The following B3GALT1 variants were observed in gnomAD, a reference collection of about 807,000 sequenced individuals.
The protein encoded by B3GALT1 is UDP-Gal:betaGlcNAc beta 1,3-galactosyltransferase, polypeptide 1.
In B3GALT1, 10 loss-of-function variants were observed where a neutral mutation model predicts 23.2. That is an observed-to-expected ratio of 0.43 (90% confidence interval 0.27 to 0.73). The LOEUF (loss-of-function observed/expected upper bound fraction) is 0.73, where lower values mean the gene tolerates loss of function less well. Ranked by LOEUF, B3GALT1 falls within the 30% of genes least tolerant of loss-of-function variation. The probability of loss-of-function intolerance (pLI) is 0.21; values close to 1 mark genes in which losing one functional copy is unlikely to be tolerated. For synonymous variants in B3GALT1, 156 were observed against 141.5 expected (o/e 1.10, Z -0.73); for missense variants, 299 against 405.4 (o/e 0.74, Z 2.25).
At chr2:167,539,677 A>G (rs1346394851) in intron 2 of B3GALT1, among the ~76,000 whole-genome samples, 3 of 152,188 alleles carry the variant, frequency 2.0e-5, no homozygotes, top group African/African-American at 7.2e-5. Context: ...TTCTCATATA[A>G]CTCTGTTTTA....
Position 167,870,938 on chromosome 2 carries a change from A to G in B3GALT1, c.*918A>G, listed in dbSNP as rs893960743. On this transcript the variant is annotated 3_prime_UTR_variant, in exon 5 of 5. Transcript: ENST00000392690. ...TGAGAAAATACAAATTTAAGTATGC[A>G]TTATAATTAACATAAGCTTAGCAAT... 4.2e-5 allele frequency: 7 copies of G among 166,922 alleles called. No individual in the cohort carries two copies. Among genetic ancestry groups the G allele is most frequent in the African/African-American group, 1.4e-4 (6 of 41,464 alleles). The allele number at this position is 166,922 out of a possible 1,614,324, so 10.3% of individuals were successfully genotyped here. A position where few individuals can be genotyped will look rare whatever the true frequency, so the allele number is the denominator to read the frequency against.
intron 3 of B3GALT1, among the ~76,000 whole-genome samples, chr2:167,657,980 A>T (rs539072885): frequency 6.6e-6 from 1 of 152,262 alleles, no homozygotes; most frequent in East Asian, 1.9e-4. Flanking sequence ...GTGTAGAATT[A>T]GGAAGAGATT....
intron 2 of B3GALT1, among the ~76,000 whole-genome samples, chr2:167,538,799 G>A (rs542223503): frequency 6.6e-6 from 1 of 152,146 alleles, no homozygotes; most frequent in African/African-American, 2.4e-5. Flanking sequence ...TTTAGTAGAA[G>A]ATTCTTTAAA....
At chr2:167,780,052 T>C (rs1688221724) in intron 3 of B3GALT1, among the ~76,000 whole-genome samples, 1 of 152,186 alleles carries the variant, frequency 6.6e-6, no homozygotes, top group South Asian at 2.1e-4. Context: ...ATCACAAATC[T>C]CAAGCAGGTT....
chr2:167,296,623 G>A (rs971218142), intron 1 of B3GALT1, among the ~76,000 whole-genome samples: 1 of 152,068 alleles, frequency 6.6e-6, no homozygotes, highest in Non-Finnish European at 1.5e-5. Context: ...GAATATTCTC[G>A]TTCTCTTTAC....
chr2:167,765,165 C>T (rs1436568137), intron 3 of B3GALT1, among the ~76,000 whole-genome samples: 1 of 152,160 alleles, frequency 6.6e-6, no homozygotes, highest in Non-Finnish European at 1.5e-5. Context: ...AGCCTGGAGA[C>T]ACAGCAGTTA....
At chr2:167,507,383 TGTAATCCC>T (rs1699934488) in intron 2 of B3GALT1, among the ~76,000 whole-genome samples, 1 of 151,670 alleles carries the variant, frequency 6.6e-6, no homozygotes, top group African/African-American at 2.4e-5. Context: ...GGCACGCACC[TGTAATCCC>T]AGCTACTCAG....
chr2:167,772,860 G>A (rs909056451), intron 3 of B3GALT1, among the ~76,000 whole-genome samples: 1 of 152,162 alleles, frequency 6.6e-6, no homozygotes, highest in Non-Finnish European at 1.5e-5. Context: ...TAACAGAGCT[G>A]TCCAAATGTT....
chr2:167,841,318 C>T (rs1417634700), intron 4 of B3GALT1, among the ~76,000 whole-genome samples: 1 of 151,912 alleles, frequency 6.6e-6, no homozygotes, highest in Non-Finnish European at 1.5e-5. Context: ...GCACAACATG[C>T]TTAGCCTTAC....
chr2:167,552,380 T>G (rs929057980), intron 2 of B3GALT1, among the ~76,000 whole-genome samples: 40 of 152,304 alleles, frequency 2.6e-4, no homozygotes, highest in African/African-American at 8.7e-4. Flanking sequence ...AACCTTGCAT[T>G]TATCTGTTTT....
In B3GALT1 at chr2:167,435,435, A is replaced by C. The variant is rs969422044; in HGVS notation, c.-510-54742A>C. Reference sequence around the variant, plus strand: ...CGTGCTTTAGAAACATATGCTTGCAAAAAAAAAAAAAAAAAAAAAAAAAAA... The same window carrying C: ...CGTGCTTTAGAAACATATGCTTGCACAAAAAAAAAAAAAAAAAAAAAAAAA... On this transcript the variant is annotated intron_variant, in intron 1 of 4. Coordinates refer to ENST00000392690, the MANE Select transcript of B3GALT1 (RefSeq NM_020981.4). Among the ~76,000 whole-genome samples the C allele has an allele frequency of 9.6e-3, 810 of 84,582 alleles. 4 individuals carry two copies. The highest frequency in any genetic ancestry group is 0.045 in the African/African-American group (451 of 10,022). 55.5% of individuals were successfully genotyped at this position (84,582 alleles called of 152,430 possible).
chr2:167,873,178 T>TC lies in B3GALT1; in HGVS notation c.*3160dup, dbSNP rs1471154848. On this transcript the variant is annotated 3_prime_UTR_variant, in exon 5 of 5. Transcript: ENST00000392690. ...ACAATTTTTACAAAAACTCTTTTTT[T>TC]CCATTATGCACTGGATAATAACAGT... The TC allele has an allele frequency of 1.3e-5, 2 of 152,218 alleles. No homozygotes were observed. Among genetic ancestry groups the TC allele is most frequent in the African/African-American group, 2.4e-5 (1 of 41,454 alleles). 9.4% of individuals were successfully genotyped at this position (152,218 alleles called of 1,614,324 possible). A position where few individuals can be genotyped will look rare whatever the true frequency, so the allele number is the denominator to read the frequency against.
At chr2:167,677,300 G>A (rs774409310) in intron 3 of B3GALT1, among the ~76,000 whole-genome samples, 17 of 152,130 alleles carry the variant, frequency 1.1e-4, no homozygotes, top group Admixed American at 3.9e-4. Flanking sequence ...CTGCCACATT[G>A]TATACCTTAA....
chr2:167,860,819 T>C (rs1574306192), intron 4 of B3GALT1, among the ~76,000 whole-genome samples: 2 of 151,766 alleles, frequency 1.3e-5, no homozygotes, highest in Non-Finnish European at 2.9e-5. Context: ...CCTTAAACTA[T>C]GATATATTCT....
chr2:167,413,399 G>A (rs1469470167), intron 1 of B3GALT1, among the ~76,000 whole-genome samples: 2 of 151,890 alleles, frequency 1.3e-5, no homozygotes, highest in Non-Finnish European at 2.9e-5. Context: ...TTATATTTTC[G>A]AGGTTTTCTT....
chr2:167,744,550 C>G (rs1247355489), intron 3 of B3GALT1, among the ~76,000 whole-genome samples: 2 of 152,004 alleles, frequency 1.3e-5, no homozygotes, highest in East Asian at 3.9e-4. Context: ...CCTTGTCTAT[C>G]CTTTTATTTT....
intron 1 of B3GALT1, among the ~76,000 whole-genome samples, chr2:167,309,962 A>G (rs1351680423): frequency 1.3e-5 from 2 of 152,114 alleles, no homozygotes; most frequent in Non-Finnish European, 2.9e-5. Context: ...CAGCAATGTC[A>G]TGTACATACC....
chr2:167,435,372 TA>T (rs1698766128), intron 1 of B3GALT1, among the ~76,000 whole-genome samples: 1 of 81,532 alleles, frequency 1.2e-5, no homozygotes, highest in Non-Finnish European at 2.3e-5. Context: ...GAATAACACC[TA>T]AAATAGGAAA....
At chr2:167,453,678 T>A (rs1699123373) in intron 1 of B3GALT1, among the ~76,000 whole-genome samples, 1 of 152,224 alleles carries the variant, frequency 6.6e-6, no homozygotes, top group Non-Finnish European at 1.5e-5. Flanking sequence ...CAAGTGCCAA[T>A]GAAGTGTTTA....
Sources: gnomAD v4.1 joint callset for allele counts (sites outside exome capture counted in the v4.1 genomes callset) on GRCh38, gnomAD v4.1.1 for gene constraint, MANE v1.5 for transcripts, NCBI Gene and HGNC (gene_info 2026-07-23, HGNC 2026-07-21) for gene names.